Variants in FMO5 observed in about 807,000 individuals in gnomAD.
FMO5 encodes the protein flavin-containing monooxygenase 5.
Under a neutral mutation model 43.6 loss-of-function variants are expected in FMO5, and 51 were observed. That is an observed-to-expected ratio of 1.17 (90% CI 0.93 to 1.48). The LOEUF (loss-of-function observed/expected upper bound fraction) is 1.48. Ranked by LOEUF, FMO5 falls within the 40% of genes most tolerant of loss-of-function variation. The pLI, the probability that FMO5 is intolerant of heterozygous loss-of-function variation, is 0.00. For synonymous variants in FMO5, 187 were observed against 216.5 expected (o/e 0.86, Z 1.20); for missense variants, 644 against 643.0 (o/e 1.00, Z -0.02).
chr1:147,209,581 G>T (rs1660766886), intron 5 of FMO5: 1 of 153,574 alleles, frequency 6.5e-6, no homozygotes, highest in South Asian at 2.0e-4. Context: ...TACTGTCCAA[G>T]AATATGTTTT....
chr1:147,204,488 A>T (rs1659612835), intron 6 of FMO5: 1 of 1,530,516 alleles, frequency 6.5e-7, no homozygotes, highest in Non-Finnish European at 9.0e-7. Context: ...TTTGCAGAAC[A>T]ACGTACCAAA....
intron 5 of FMO5, among the ~76,000 whole-genome samples, chr1:147,211,955 C>A (rs1406742406): frequency 6.6e-6 from 1 of 152,162 alleles, no homozygotes; most frequent in Non-Finnish European, 1.5e-5. Context: ...AAGCACCATC[C>A]TATGAGTGAA....
upstream of FMO5, among the ~76,000 whole-genome samples, chr1:147,226,692 A>G (rs145792507): frequency 2.1e-3 from 323 of 152,232 alleles, 1 homozygote; most frequent in African/African-American, 7.5e-3. Flanking sequence ...CCCTGAGTCA[A>G]TTTTGCTCTT....
chr1:147,213,372 A>C lies in FMO5; in HGVS notation c.423T>G (p.Phe141Leu), dbSNP rs1334328841. ...GGCCAGTGCAAACCATGACTCCATC[A>C]AAGACATTCATCTCCTTTTTCCCTT... is the stretch of plus-strand genomic sequence containing the variant. ...ESEGKKEMNV[F>L]DGVMVCTGHH... Residue 141 changes from phenylalanine to leucine, a missense_variant, in exon 4 of 9, where the codon TTT becomes TTG. Phe to Leu is a conservative substitution (Grantham distance 22). Coordinates refer to ENST00000254090, the MANE Select transcript of FMO5 (RefSeq NM_001461.4). The C allele has an allele frequency of 6.2e-6, 10 of 1,613,700 alleles. No individual in the cohort carries two copies. The African/African-American group carries it at 1.2e-4, about 19-fold the overall frequency.
At chr1:147,194,555 G>A (rs1233236959) in intron 7 of FMO5, among the ~76,000 whole-genome samples, 1 of 152,160 alleles carries the variant, frequency 6.6e-6, no homozygotes, top group Non-Finnish European at 1.5e-5. Context: ...TGATTATGAT[G>A]TTAGCTGGTT....
rs1655668146 is a variant in FMO5, at chr1:147,186,653, G to T, written c.*247C>A. The T allele has an allele frequency of 8.0e-7, 1 of 1,252,894 alleles. No individual in the cohort carries two copies. The highest frequency in any genetic ancestry group is 3.2e-5 in the East Asian group (1 of 31,240). 77.6% of individuals were successfully genotyped at this position (1,252,894 alleles called of 1,614,324 possible). The stretch of plus-strand genomic sequence containing the variant: ...AAGACATACAAAGATGACTAAAAGA[G>T]TACCTGAGCTCCCAGTCTAGGGATT... On this transcript the variant is annotated 3_prime_UTR_variant, in exon 9 of 9. Coordinates refer to ENST00000254090, the MANE Select transcript of FMO5 (RefSeq NM_001461.4).
rs149489301 is a variant in FMO5 at position 147,196,641 on chromosome 1, A to G, written c.1183+4511T>C. Among the ~76,000 whole-genome samples the G allele has an allele frequency of 4.2e-3, 645 of 152,176 alleles. 6 individuals carry two copies. The highest frequency in any genetic ancestry group is 8.6e-3 in the Admixed American group (132 of 15,302). On this transcript the variant is annotated intron_variant, in intron 7 of 8. Coordinates refer to ENST00000254090, the MANE Select transcript of FMO5 (RefSeq NM_001461.4). ...AAGATGTATACATCTTTTTACGTGT[A>G]TACTCTGTGGTACAGTTATGTCTTA...
intron 2 of FMO5, among the ~76,000 whole-genome samples, chr1:147,222,231 G>T (rs144196664): frequency 2.0e-5 from 3 of 152,156 alleles, no homozygotes; most frequent in Non-Finnish European, 2.9e-5. Flanking sequence ...TTAGCAAGGC[G>T]TAGTAGTGCG....
chr1:147,219,299 T>C (rs1662579398), intron 2 of FMO5, among the ~76,000 whole-genome samples: 1 of 152,228 alleles, frequency 6.6e-6, no homozygotes, highest in African/African-American at 2.4e-5. Context: ...CTGTTAGACA[T>C]GTCTCTTTTG....
At chr1:147,223,994 G>T in intron 2 of FMO5, 1 of 421,856 alleles carries the variant, frequency 2.4e-6, no homozygotes, top group Non-Finnish European at 4.7e-6. Flanking sequence ...CACCTTGGTG[G>T]AGAACAAGAA....
Position 147,212,538 on chromosome 1 carries a change from G to T in FMO5, c.488-3C>A, listed in dbSNP as rs781818663. On this transcript the variant is annotated splice_region_variant and splice_polypyrimidine_tract_variant and intron_variant, in intron 4 of 8. Coordinates refer to ENST00000254090, the MANE Select transcript of FMO5 (RefSeq NM_001461.4). ...CTGCCCTTTGAACTTCTCAATTCCT[G>T]CAAGAGAAGGGAAAATAATTATTGG... 5.0e-6 allele frequency: 8 copies of T among 1,608,760 alleles called. No individual in the cohort carries two copies. The highest frequency in any genetic ancestry group is 1.3e-5 in the African/African-American group (1 of 74,660).
downstream of FMO5, chr1:147,184,482 C>T (rs1462420742): frequency 3.3e-6 from 5 of 1,515,696 alleles, no homozygotes; most frequent in Non-Finnish European, 4.4e-6. The surrounding 1 kb of genome is among the most constrained non-coding windows in gnomAD (Gnocchi z 4.4). Flanking sequence ...TACTACATTA[C>T]ATTTAGATGT....
chr1:147,225,463 ATTC>A (rs1663887887), upstream of FMO5: 1 of 166,840 alleles, frequency 6.0e-6, no homozygotes, highest in Non-Finnish European at 1.3e-5. Context: ...AGCGGCACCC[ATTC>A]TCCCTCCCTC....
At chr1:147,190,034 G>T in intron 8 of FMO5, 143 bp downstream of exon 8, 2 of 559,488 alleles carry the variant, frequency 3.6e-6, no homozygotes, top group Non-Finnish European at 6.1e-6. Context: ...CCATTCTATT[G>T]TCACAAATTA....
intron 6 of FMO5, among the ~76,000 whole-genome samples, chr1:147,202,706 C>A (rs1261245326): frequency 6.6e-6 from 1 of 152,146 alleles, no homozygotes; most frequent in Non-Finnish European, 1.5e-5. Flanking sequence ...GTTTAAATTA[C>A]CACTACTGGT....
At chr1:147,197,463 G>T (rs782026246) in intron 7 of FMO5, among the ~76,000 whole-genome samples, 1 of 152,046 alleles carries the variant, frequency 6.6e-6, no homozygotes, top group Non-Finnish European at 1.5e-5. Flanking sequence ...TGAATTTTGG[G>T]TCCCACAATC....
At chr1:147,192,317 G>T (rs1657027623) in intron 7 of FMO5, among the ~76,000 whole-genome samples, 1 of 152,032 alleles carries the variant, frequency 6.6e-6, no homozygotes, top group Non-Finnish European at 1.5e-5. Context: ...CTGTTTGTCT[G>T]TTGTTGGTGT....
At chr1:147,217,435 TCTC>T (rs1662211037) in intron 2 of FMO5, among the ~76,000 whole-genome samples, 2 of 152,258 alleles carry the variant, frequency 1.3e-5, no homozygotes, top group South Asian at 4.1e-4. Flanking sequence ...TCAATTTGGA[TCTC>T]CTCCTCCCTT....
intron 1 of FMO5, 48 bp from the exon 2 acceptor site, chr1:147,225,114 T>G (rs1348560218): frequency 8.1e-6 from 13 of 1,600,784 alleles, no homozygotes; most frequent in Non-Finnish European, 1.1e-5. Context: ...GGTTAACATT[T>G]TTCAAGGAAG....
Sources: gnomAD v4.1 joint callset for allele counts (sites outside exome capture counted in the v4.1 genomes callset) on GRCh38, gnomAD v4.1.1 for gene constraint, Gnocchi (gnomAD v3.1) non-coding constraint, MANE v1.5 for transcripts, NCBI Gene and HGNC (gene_info 2026-07-23, HGNC 2026-07-21) for gene names.